Variants in GALNT13 observed in about 807,000 individuals in gnomAD.
GALNT13 encodes UDP-GalNAc:polypeptide N-acetylgalactosaminyltransferase 13.
Under a neutral mutation model 64.2 loss-of-function variants are expected in GALNT13, and 28 were observed. That is an observed-to-expected ratio of 0.44 (90% CI 0.32 to 0.60). The LOEUF (loss-of-function observed/expected upper bound fraction) is 0.60, where lower values mean the gene tolerates loss of function less well. GALNT13 is among the 20% of genes least tolerant of loss of function. GALNT13 has a pLI of 0.05. For synonymous variants in GALNT13, 214 were observed against 224.6 expected (o/e 0.95, Z 0.42); for missense variants, 577 against 669.8 (o/e 0.86, Z 1.53).
chr2:153,777,506 T>C, the GALNT13 span, among the ~76,000 whole-genome samples: 4 of 152,218 alleles, frequency 2.6e-5, no homozygotes, highest in African/African-American at 9.6e-5. Flanking sequence ...TCAATCATTA[T>C]GGCAGAAAAG....
chr2:153,547,998 AT>A, the GALNT13 span, among the ~76,000 whole-genome samples: 2 of 152,204 alleles, frequency 1.3e-5, no homozygotes, highest in Non-Finnish European at 2.9e-5. Flanking sequence ...TTGACATCCA[AT>A]AATTGCTTTC....
intron 3 of GALNT13, among the ~76,000 whole-genome samples, chr2:154,010,528 G>C: frequency 6.6e-6 from 1 of 152,090 alleles, no homozygotes; most frequent in East Asian, 1.9e-4. Flanking sequence ...TGTTCATCAA[G>C]GTTATTGGCC....
At chr2:154,370,034 T>C (rs1225291381) in intron 9 of GALNT13, among the ~76,000 whole-genome samples, 2 of 152,170 alleles carry the variant, frequency 1.3e-5, no homozygotes, top group East Asian at 1.9e-4. Context: ...TGAATCCTAT[T>C]GGATTGGAGC....
chr2:154,428,504 T>A lies in GALNT13; in HGVS notation c.1396-10088T>A, dbSNP rs375031528. On this transcript the variant is annotated intron_variant, in intron 11 of 12. Coordinates refer to ENST00000392825, the MANE Select transcript of GALNT13 (RefSeq NM_052917.4). ...TTCAAATATATATTCATTTGTAAAC[T>A]ATACCTTAATAAAAATAAAACAAAA... 1.5e-3 allele frequency among the ~76,000 whole-genome samples: 231 copies of A among 152,358 alleles called. 2 individuals are homozygous for A. The highest frequency in any genetic ancestry group is 5.0e-3 in the African/African-American group (208 of 41,588).
chr2:153,474,250 T>C, the GALNT13 span, among the ~76,000 whole-genome samples: 2 of 152,238 alleles, frequency 1.3e-5, no homozygotes, highest in Non-Finnish European at 2.9e-5. Flanking sequence ...AATCATAGAA[T>C]TGGAAGGTTC....
chr2:153,437,697 C>T, the GALNT13 span, among the ~76,000 whole-genome samples: 4 of 152,062 alleles, frequency 2.6e-5, no homozygotes, highest in African/African-American at 7.2e-5. Flanking sequence ...TCCTCCATCC[C>T]TTTATTTTGA....
the GALNT13 span, among the ~76,000 whole-genome samples, chr2:153,664,616 G>A: frequency 1.3e-5 from 2 of 152,188 alleles, no homozygotes; most frequent in Admixed American, 6.5e-5. Flanking sequence ...GATTGGGGAA[G>A]TGATAAATGT....
chr2:153,073,760 A>G, the GALNT13 span, among the ~76,000 whole-genome samples: 27 of 152,278 alleles, frequency 1.8e-4, no homozygotes, highest in Admixed American at 3.3e-4. Flanking sequence ...GTGCACATTT[A>G]TTTTAAGGTT....
At chr2:153,333,217 C>A in the GALNT13 span, among the ~76,000 whole-genome samples, 1 of 152,098 alleles carries the variant, frequency 6.6e-6, no homozygotes. Context: ...GAAGCTTTAC[C>A]CAGTGTTTTT....
At chr2:154,442,830 GA>G (rs1701369333) in intron 12 of GALNT13, among the ~76,000 whole-genome samples, 2 of 151,438 alleles carry the variant, frequency 1.3e-5, no homozygotes, top group Admixed American at 6.6e-5. Context: ...ATGCAACAAA[GA>G]AAAAAAGGGA....
the GALNT13 span, among the ~76,000 whole-genome samples, chr2:153,127,213 T>A: frequency 6.6e-6 from 1 of 152,172 alleles, no homozygotes; most frequent in African/African-American, 2.4e-5. Flanking sequence ...ATGAGTTTAT[T>A]TTGCACTCTA....
chr2:153,664,107 A>G, the GALNT13 span, among the ~76,000 whole-genome samples: 1 of 152,324 alleles, frequency 6.6e-6, no homozygotes, highest in Non-Finnish European at 1.5e-5. Context: ...ACAGGGTTCA[A>G]GAGCAGACAA....
chr2:154,406,934 G>T (rs1011115265), intron 10 of GALNT13, among the ~76,000 whole-genome samples: 1 of 152,130 alleles, frequency 6.6e-6, no homozygotes, highest in Non-Finnish European at 1.5e-5. Flanking sequence ...ATCTTTTGTA[G>T]AAAATAGATC....
the GALNT13 span, among the ~76,000 whole-genome samples, chr2:153,131,789 T>C: frequency 1.3e-5 from 2 of 151,988 alleles, no homozygotes; most frequent in Non-Finnish European, 2.9e-5. Flanking sequence ...ATATGTAAGT[T>C]TTCAAGCATG....
chr2:153,738,389 A>T, the GALNT13 span, among the ~76,000 whole-genome samples: 1 of 151,954 alleles, frequency 6.6e-6, no homozygotes, highest in Non-Finnish European at 1.5e-5. Context: ...GATTACTTTT[A>T]AAGCCTTACA....
chr2:154,051,537 G>A (rs1699619574), intron 3 of GALNT13, among the ~76,000 whole-genome samples: 1 of 151,600 alleles, frequency 6.6e-6, no homozygotes, highest in Non-Finnish European at 1.5e-5. Context: ...TGATCCACCC[G>A]CCTCGGCCTC....
chr2:153,106,028 G>A, the GALNT13 span, among the ~76,000 whole-genome samples: 1 of 152,072 alleles, frequency 6.6e-6, no homozygotes, highest in South Asian at 2.1e-4. Flanking sequence ...TGTTCAGAGG[G>A]CACTGTCTTT....
the GALNT13 span, among the ~76,000 whole-genome samples, chr2:153,718,411 A>AG: frequency 2.0e-5 from 3 of 150,826 alleles, no homozygotes; most frequent in African/African-American, 7.4e-5. Context: ...GTAAGCTTAA[A>AG]GGGTTTTTTT....
At chr2:153,113,094 G>T in the GALNT13 span, among the ~76,000 whole-genome samples, 1 of 152,062 alleles carries the variant, frequency 6.6e-6, no homozygotes, top group Admixed American at 6.6e-5. Flanking sequence ...ATTCATTCCA[G>T]TTACTGATTT....
Sources: gnomAD v4.1 joint callset for allele counts (sites outside exome capture counted in the v4.1 genomes callset) on GRCh38, gnomAD v4.1.1 for gene constraint, MANE v1.5 for transcripts, NCBI Gene and HGNC (gene_info 2026-07-23, HGNC 2026-07-21) for gene names.